The following MCF2L variants were observed in gnomAD, a reference collection of about 807,000 sequenced individuals.
MCF2L encodes MCF.2 cell line derived transforming sequence like, also known as guanine nucleotide exchange factor DBS.
A neutral mutation model predicts 153.4 loss-of-function variants in MCF2L; 97 were observed. The observed-to-expected ratio is 0.63, with a 90% CI of 0.54 to 0.75. The LOEUF is 0.75. MCF2L is among the 30% of genes least tolerant of loss of function. MCF2L has a pLI of 0.00. For missense variants in MCF2L, 1,347 were observed against 1,495.2 expected, an observed-to-expected ratio of 0.90 and a Z score of 1.64; for synonymous variants, 659 against 632.2, an observed-to-expected ratio of 1.04 and a Z score of -0.64.
intron 27 of MCF2L, 199 bp downstream of exon 27, chr13:113,094,834 G>A: frequency 9.3e-7 from 1 of 1,078,214 alleles, no homozygotes; most frequent in Non-Finnish European, 1.4e-6. Flanking sequence ...CCCAGACCTG[G>A]GTCTTGGGGC....
intron 11 of MCF2L, among the ~76,000 whole-genome samples, 173 bp from the exon 12 acceptor site, chr13:113,075,788 GGGATT>G: frequency 6.6e-6 from 1 of 151,956 alleles, no homozygotes; most frequent in Non-Finnish European, 1.5e-5. Context: ...GTGTCCCCTT[GGGATT>G]GGCCTTGTCC....
At chr13:112,923,773 C>A (rs1233366126) in intron 2 of MCF2L, among the ~76,000 whole-genome samples, 3 of 152,084 alleles carry the variant, frequency 2.0e-5, no homozygotes, top group Admixed American at 6.5e-5. Context: ...CCTAAATGTC[C>A]TTTAAAGCAA....
At position 113,007,073 on chromosome 13, in the gene MCF2L, T is replaced by C. The variant is rs146111686; in HGVS notation, c.80-7690T>C. ...TCTCAGACAGTGGCTCTCAGTCACTTTGGTCTCTGGTCCCTCTGCCCCTTG... is the reference window on the plus strand; with the variant it reads ...TCTCAGACAGTGGCTCTCAGTCACTCTGGTCTCTGGTCCCTCTGCCCCTTG... On this transcript the variant is annotated intron_variant, in intron 1 of 29. Coordinates refer to ENST00000535094, the MANE Select transcript of MCF2L (RefSeq NM_001112732.3). 6.1e-3 allele frequency among the ~76,000 whole-genome samples: 936 copies of C among 152,266 alleles called. 7 individuals are homozygous for C. Among genetic ancestry groups the C allele is most frequent in the Non-Finnish European group, 9.7e-3 (658 of 68,008 alleles).
rs1003925414 is a variant in MCF2L, at chr13:112,943,624, G to C, written c.169+41253G>C. On this transcript the variant is annotated intron_variant, in intron 2 of 29. Transcript: ENST00000375608. This position sits in a 1 kb window ranked among gnomAD's most constrained non-coding sequence, Gnocchi z 4.2. ...GGCGCCCAGGCGCAGAGGAGGCGCGGGGGGCGGGACCTGCCGGCCAGTCCC... is the reference window on the plus strand; with the variant it reads ...GGCGCCCAGGCGCAGAGGAGGCGCGCGGGGCGGGACCTGCCGGCCAGTCCC... Among the ~76,000 whole-genome samples, 19 of 152,310 alleles carry C rather than the reference G, an allele frequency of 1.2e-4. No individual in the cohort carries two copies. Among genetic ancestry groups the C allele is most frequent in the Admixed American group, 4.6e-4 (7 of 15,314 alleles).
rs889200019 is a variant in MCF2L at position 112,906,241 on chromosome 13, G to A, written c.169+3870G>A. On this transcript the variant is annotated intron_variant, in intron 2 of 29. Coordinates refer to the MCF2L transcript ENST00000375608. ...AACTGTTTCACAGTCAGCTATGGAA[G>A]GGCCTCTAATCCGAGGGGACACACT... Among the ~76,000 whole-genome samples, 5 of 152,356 alleles carry A rather than the reference G, an allele frequency of 3.3e-5. No homozygotes were observed. In the East Asian group the frequency reaches 7.7e-4, roughly 23 times the overall value.
At position 113,066,049 on chromosome 13, in the gene MCF2L, G is replaced by A. The variant is rs2032316633; in HGVS notation, c.760G>A (p.Asp254Asn). 6.2e-7 allele frequency: 1 copy of A among 1,613,054 alleles called. No individual in the cohort carries two copies. Among genetic ancestry groups the A allele is most frequent in the East Asian group, 2.2e-5 (1 of 44,874 alleles). Reference sequence around the variant, plus strand: ...TGAGGCTGCATTCTCTCCACAGGAGGATTTGAGGCTGGCACTGAAAGAGGG... The same window carrying A: ...TGAGGCTGCATTCTCTCCACAGGAGAATTTGAGGCTGGCACTGAAAGAGGG... ...HTEKKDKAKE[D>N]LRLALKEGHS... Residue 254 changes from aspartate (D) to asparagine (N), a missense_variant, in exon 8 of 30, where the codon GAT becomes AAT. Physicochemically the swap from Asp to Asn is conservative, Grantham distance 23. Coordinates refer to ENST00000535094, the MANE Select transcript of MCF2L (RefSeq NM_001112732.3).
chr13:112,926,505 T>C (rs1236966301), intron 2 of MCF2L, among the ~76,000 whole-genome samples: 1 of 152,060 alleles, frequency 6.6e-6, no homozygotes, highest in Non-Finnish European at 1.5e-5. Context: ...CTGGTCTACA[T>C]GCACAGCGGA....
At chr13:112,910,170 G>C (rs902657794) in intron 2 of MCF2L, 4 of 152,222 alleles carry the variant, frequency 2.6e-5, no homozygotes, top group Admixed American at 2.0e-4. Flanking sequence ...ATGTAATGCT[G>C]ACCACAAGGT....
At position 113,086,216 on chromosome 13, in the gene MCF2L, C is replaced by T; in HGVS notation, c.2340C>T (p.Asp780=). 1.9e-6 allele frequency: 3 copies of T among 1,610,464 alleles called. No individual in the cohort carries two copies. The highest frequency in any genetic ancestry group is 2.5e-6 in the Non-Finnish European group (3 of 1,178,558). Residue 780 remains aspartate (D), a synonymous_variant, in exon 21 of 30, where the codon GAC becomes GAT. Coordinates refer to ENST00000535094, the MANE Select transcript of MCF2L (RefSeq NM_001112732.3). ...SILGILKAVN[D]SMHLIAITGY... ...TGGGCATCCTGAAGGCCGTGAACGA[C>T]TCCATGCACCTCATCGCTATCACCG...
At chr13:112,956,656 C>A (rs531871462) in intron 2 of MCF2L, 1 of 152,368 alleles carries the variant, frequency 6.6e-6, no homozygotes, top group Non-Finnish European at 1.5e-5. Flanking sequence ...CGGATGCAGA[C>A]CTGTGTGGAG....
At chr13:112,900,922 G>A (rs2081113949) in intron 1 of MCF2L, among the ~76,000 whole-genome samples, 2 of 151,912 alleles carry the variant, frequency 1.3e-5, no homozygotes, top group African/African-American at 2.4e-5. Flanking sequence ...CTGAGGGATG[G>A]GATGGGGTTT....
chr13:112,950,102 A>G (rs987199133), intron 2 of MCF2L, among the ~76,000 whole-genome samples: 1 of 152,142 alleles, frequency 6.6e-6, no homozygotes, highest in Non-Finnish European at 1.5e-5. Context: ...TAGAGCATAA[A>G]TACCAAAATT....
chr13:113,033,642 C>A (rs78366712), intron 3 of MCF2L, among the ~76,000 whole-genome samples: 16 of 152,266 alleles, frequency 1.1e-4, no homozygotes, highest in African/African-American at 2.4e-4. Context: ...TTCCCCCCCC[C>A]ACCCCAACGG....
In MCF2L at chr13:113,020,536, C is replaced by A. The variant is rs147285321; in HGVS notation, c.164-4108C>A. ...GGCAGGAAGTCCCGGATGAAGGCAC[C>A]GGCAGATGTGCTGCCTGGTGAGGGC... On this transcript the variant is annotated intron_variant, in intron 2 of 29. Coordinates refer to ENST00000535094, the MANE Select transcript of MCF2L (RefSeq NM_001112732.3). Among the ~76,000 whole-genome samples, 828 of 152,350 alleles carry A rather than the reference C, an allele frequency of 5.4e-3. 4 individuals are homozygous for A. Among genetic ancestry groups the A allele is most frequent in the Non-Finnish European group, 8.4e-3 (571 of 68,040 alleles).
At chr13:112,900,251 T>C (rs1396613659) in intron 1 of MCF2L, among the ~76,000 whole-genome samples, 1 of 152,272 alleles carries the variant, frequency 6.6e-6, no homozygotes, top group African/African-American at 2.4e-5. Flanking sequence ...AATAAGCCTT[T>C]AGACCTGCGC....
intron 4 of MCF2L, among the ~76,000 whole-genome samples, chr13:113,051,370 C>T (rs1218128605): frequency 6.6e-6 from 1 of 152,168 alleles, no homozygotes; most frequent in African/African-American, 2.4e-5. Flanking sequence ...TGGGCGGTGC[C>T]GGTCATGCAG....
chr13:113,037,561 C>T (rs2086228876), intron 3 of MCF2L, among the ~76,000 whole-genome samples: 1 of 152,194 alleles, frequency 6.6e-6, no homozygotes, highest in South Asian at 2.1e-4. Context: ...TACCTACTTC[C>T]ATTCTGGCTC....
chr13:112,973,448 T>G (rs9549616), intron 1 of MCF2L, among the ~76,000 whole-genome samples: 35,342 of 152,142 alleles, frequency 0.23, 4,269 homozygotes, highest in Middle Eastern at 0.27. Flanking sequence ...TAGTAGGGAT[T>G]CCGGAGCAGG....
chr13:113,036,772 C>A (rs2086183502), intron 3 of MCF2L, among the ~76,000 whole-genome samples: 1 of 152,244 alleles, frequency 6.6e-6, no homozygotes, highest in Non-Finnish European at 1.5e-5. Flanking sequence ...GTGGGTGGCC[C>A]CCCAACTCCT....
Sources: gnomAD v4.1 joint callset for allele counts (sites outside exome capture counted in the v4.1 genomes callset) on GRCh38, gnomAD v4.1.1 for gene constraint, Gnocchi (gnomAD v3.1) non-coding constraint, MANE v1.5 for transcripts, NCBI Gene and HGNC (gene_info 2026-07-23, HGNC 2026-07-21) for gene names.